Variants in ATP6V0E1 observed in about 807,000 individuals in gnomAD.
ATP6V0E1 encodes V-type proton ATPase subunit e 1.
A neutral mutation model predicts 11.6 loss-of-function variants in ATP6V0E1; 4 were observed. That is an observed-to-expected ratio of 0.35 (90% CI 0.17 to 0.79). ATP6V0E1 has a LOEUF of 0.79. Ranked by LOEUF, ATP6V0E1 falls within the 30% of genes least tolerant of loss-of-function variation. The pLI, the probability that ATP6V0E1 is intolerant of heterozygous loss-of-function variation, is 0.54. For missense variants in ATP6V0E1, 105 were observed against 100.0 expected (o/e 1.05, Z -0.21); for synonymous variants, 36 against 34.8 (o/e 1.04, Z -0.13).
At position 173,025,588 on chromosome 5, in the gene ATP6V0E1, G is replaced by T. The variant is rs1306685691; in HGVS notation, c.*36+5221G>T. On this transcript the variant is annotated intron_variant, in intron 3 of 3. Transcript: ENST00000519374. ...TGCATCACCACAACCTCTGCCTCCT[G>T]GGCTCAAGTGATCCTCCTACCTCAG... Among the ~76,000 whole-genome samples the T allele has an allele frequency of 3.9e-5, 5 of 128,484 alleles. No homozygotes were observed. In the Admixed American group the frequency reaches 5.0e-4, roughly 13 times the overall value. 84.3% of individuals were successfully genotyped at this position (128,484 alleles called of 152,430 possible).
At position 172,997,548 on chromosome 5, in the gene ATP6V0E1, G is replaced by A. The variant is rs138083894; in HGVS notation, c.152+2726G>A. Among the ~76,000 whole-genome samples, 964 of 152,288 alleles carry A rather than the reference G, an allele frequency of 6.3e-3. 18 individuals carry two copies. The highest frequency in any genetic ancestry group is 0.022 in the African/African-American group (905 of 41,560). Reference sequence around the variant, plus strand: ...TCAGGGGCAAGGCGTGGTGGCTCACGCCTGTAATCCCAGCACTTTGGGAGG... The same window carrying A: ...TCAGGGGCAAGGCGTGGTGGCTCACACCTGTAATCCCAGCACTTTGGGAGG... On this transcript the variant is annotated intron_variant, in intron 2 of 3. Coordinates refer to ENST00000519374, the MANE Select transcript of ATP6V0E1 (RefSeq NM_003945.4).
chr5:173,028,838 T>TC (rs1475386985), intron 3 of ATP6V0E1, among the ~76,000 whole-genome samples: 5 of 152,222 alleles, frequency 3.3e-5, no homozygotes, highest in Non-Finnish European at 5.9e-5. Context: ...TATGTGGGAC[T>TC]CTAATGTCAA....
At chr5:173,025,646 C>T (rs550555101) in intron 3 of ATP6V0E1, among the ~76,000 whole-genome samples, 2 of 149,920 alleles carry the variant, frequency 1.3e-5, no homozygotes, top group South Asian at 4.2e-4. Flanking sequence ...AGACACGTGA[C>T]ACCACGCCTG....
intron 3 of ATP6V0E1, among the ~76,000 whole-genome samples, chr5:173,026,741 A>G (rs2113613771): frequency 6.6e-6 from 1 of 152,320 alleles, no homozygotes; most frequent in Admixed American, 6.5e-5. Context: ...CATCCTATGC[A>G]TATGCCATTT....
chr5:173,026,836 G>T (rs1250225445), intron 3 of ATP6V0E1, among the ~76,000 whole-genome samples: 1 of 152,142 alleles, frequency 6.6e-6, no homozygotes, highest in Non-Finnish European at 1.5e-5. Flanking sequence ...TCTAGATACT[G>T]TTGCATTGTC....
intron 3 of ATP6V0E1, among the ~76,000 whole-genome samples, chr5:173,034,180 T>G (rs13361632): frequency 0.15 from 23,049 of 152,260 alleles, 1,973 homozygotes; most frequent in African/African-American, 0.18. Context: ...GAGTGTTACT[T>G]GTGCTCCTCA....
chr5:173,030,215 G>C (rs1179762400), intron 3 of ATP6V0E1, among the ~76,000 whole-genome samples: 1 of 152,012 alleles, frequency 6.6e-6, no homozygotes, highest in East Asian at 1.9e-4. Flanking sequence ...ACATTGCCTT[G>C]AATTGTTAAA....
chr5:173,015,024 T>G (rs1314729641), intron 2 of ATP6V0E1, among the ~76,000 whole-genome samples: 1 of 152,190 alleles, frequency 6.6e-6, no homozygotes, highest in Non-Finnish European at 1.5e-5. Flanking sequence ...ACCAAAGGCT[T>G]GTGTTGAACT....
At chr5:173,018,659 A>T (rs1309114422) in intron 2 of ATP6V0E1, among the ~76,000 whole-genome samples, 2 of 152,158 alleles carry the variant, frequency 1.3e-5, no homozygotes, top group Non-Finnish European at 2.9e-5. Context: ...CTTCCTTCAT[A>T]ACAGTTATCA....
At chr5:173,002,375 G>A (rs1756171132) in intron 2 of ATP6V0E1, among the ~76,000 whole-genome samples, 1 of 152,092 alleles carries the variant, frequency 6.6e-6, no homozygotes, top group Non-Finnish European at 1.5e-5. Flanking sequence ...TCTCTTTATA[G>A]GCTTCTTCTC....
intron 1 of ATP6V0E1, among the ~76,000 whole-genome samples, chr5:172,988,124 C>A (rs1308307561): frequency 6.6e-6 from 1 of 152,046 alleles, no homozygotes; most frequent in Non-Finnish European, 1.5e-5. Flanking sequence ...TTATTCTAGG[C>A]CCACACAGGT....
intron 2 of ATP6V0E1, among the ~76,000 whole-genome samples, chr5:172,999,723 C>T (rs551667457): frequency 9.8e-5 from 15 of 152,292 alleles, no homozygotes; most frequent in African/African-American, 3.1e-4. Context: ...TTCCCAAATT[C>T]TGGTGACTTC....
chr5:172,998,177 C>T (rs1364703379), intron 2 of ATP6V0E1, among the ~76,000 whole-genome samples: 2 of 141,132 alleles, frequency 1.4e-5, no homozygotes. Flanking sequence ...GCTGATGAAA[C>T]TTAAAATTTA....
chr5:172,996,650 CA>C (rs1324517176), intron 2 of ATP6V0E1, among the ~76,000 whole-genome samples: 1 of 151,844 alleles, frequency 6.6e-6, no homozygotes, highest in East Asian at 1.9e-4. Context: ...GATCAGATAT[CA>C]GAGTAAAAAT....
chr5:173,006,010 G>A (rs1044837686), intron 2 of ATP6V0E1, among the ~76,000 whole-genome samples: 2 of 152,128 alleles, frequency 1.3e-5, no homozygotes, highest in Non-Finnish European at 2.9e-5. Flanking sequence ...TATTTTATGC[G>A]TGTGGACTAT....
At chr5:172,999,380 T>C (rs1308643197) in intron 2 of ATP6V0E1, among the ~76,000 whole-genome samples, 2 of 152,076 alleles carry the variant, frequency 1.3e-5, no homozygotes, top group Non-Finnish European at 2.9e-5. Context: ...CTGGAGTGCA[T>C]TGGCACTACC....
intron 2 of ATP6V0E1, among the ~76,000 whole-genome samples, chr5:173,007,824 G>A (rs768035623): frequency 3.7e-4 from 56 of 152,198 alleles, no homozygotes; most frequent in Non-Finnish European, 6.9e-4. Flanking sequence ...TTCTGGGCAA[G>A]CAATTGGCCT....
chr5:173,024,999 C>T (rs1357708184), intron 3 of ATP6V0E1, among the ~76,000 whole-genome samples: 21 of 151,144 alleles, frequency 1.4e-4, no homozygotes, highest in Non-Finnish European at 1.9e-4. Context: ...TGCGCCACCA[C>T]GCCTGGCTAA....
In ATP6V0E1 at chr5:173,034,612, A is replaced by G. The variant is rs11934; in HGVS notation, c.*250A>G. On this transcript the variant is annotated 3_prime_UTR_variant, in exon 4 of 4. Transcript: ENST00000519374. ...ACTGTGCCGACTCCACAAAACGATT[A>G]TGTACTCTTCTGAGATAGAAGATGC... is the stretch of plus-strand genomic sequence containing the variant. 6.9e-3 allele frequency: 4,146 copies of G among 598,312 alleles called. 122 individuals are homozygous for G. The highest frequency in any genetic ancestry group is 0.066 in the African/African-American group (3,616 of 54,410). 37.1% of individuals were successfully genotyped at this position (598,312 alleles called of 1,614,324 possible).
Sources: allele counts gnomAD v4.1 joint callset (sites outside exome capture counted in the v4.1 genomes callset), GRCh38; gene constraint gnomAD v4.1.1; transcripts MANE v1.5; gene names NCBI Gene and HGNC (gene_info 2026-07-23, HGNC 2026-07-21).